The following NPIPA6 variants were observed in gnomAD, a reference collection of about 807,000 sequenced individuals.
NPIPA6 encodes the protein nuclear pore complex-interacting protein family member A6.
chr16:16,331,878 C>A, the NPIPA6 span: 2 of 490,992 alleles, frequency 4.1e-6, no homozygotes, highest in Non-Finnish European at 7.0e-6. Context: ...CCAGGCTGAA[C>A]CCGCTGAGCG....
chr16:16,343,712 G>T, the NPIPA6 span, among the ~76,000 whole-genome samples: 1 of 103,342 alleles, frequency 9.7e-6, no homozygotes, highest in African/African-American at 3.9e-5. Context: ...ATTCTTGTGT[G>T]TTGTGTGTGT....
the NPIPA6 span, chr16:16,337,281 G>GT: frequency 7.5e-6 from 1 of 133,414 alleles, no homozygotes; most frequent in Non-Finnish European, 1.4e-5. Flanking sequence ...CTGGAGTGCA[G>GT]TGGCAAGATC....
At chr16:16,343,724 T>C in the NPIPA6 span, among the ~76,000 whole-genome samples, 19 of 78,572 alleles carry the variant, frequency 2.4e-4, no homozygotes, top group South Asian at 1.5e-3. Context: ...TGTGTGTGTG[T>C]GTGTGTGTGT....
chr16:16,337,863 G>A, the NPIPA6 span, among the ~76,000 whole-genome samples: 1 of 90,920 alleles, frequency 1.1e-5, no homozygotes, highest in African/African-American at 5.2e-5. Context: ...CTCCCAAAGT[G>A]TTGGGATTAC....
At chr16:16,332,056 T>C in the NPIPA6 span, 1 of 257,754 alleles carries the variant, frequency 3.9e-6, no homozygotes, top group South Asian at 2.4e-5. Context: ...GCCGCCACTT[T>C]CCAGTGCTGC....
the NPIPA6 span, among the ~76,000 whole-genome samples, chr16:16,342,955 C>CA: frequency 1.8e-5 from 1 of 55,696 alleles, no homozygotes; most frequent in African/African-American, 7.0e-5. Context: ...TTCTAGAACT[C>CA]AGAGAGCTGA....
At chr16:16,342,809 AT>A in the NPIPA6 span, among the ~76,000 whole-genome samples, 1 of 52,326 alleles carries the variant, frequency 1.9e-5, no homozygotes, top group Non-Finnish European at 3.8e-5. Flanking sequence ...ATTAGTGAGA[AT>A]GTTTTGCGTT....
chr16:16,349,431 CAG>C, the NPIPA6 span: 6 of 50,576 alleles, frequency 1.2e-4, no homozygotes, highest in Admixed American at 3.7e-4. Flanking sequence ...AGAAGGGAAA[CAG>C]AGGGGAAATG....
At chr16:16,339,360 C>G in the NPIPA6 span, among the ~76,000 whole-genome samples, 4 of 51,764 alleles carry the variant, frequency 7.7e-5, no homozygotes, top group African/African-American at 1.7e-4. Flanking sequence ...TGGCTCATGC[C>G]TGTAATCCCA....
chr16:16,336,636 C>T, the NPIPA6 span: 4 of 169,054 alleles, frequency 2.4e-5, no homozygotes, highest in Non-Finnish European at 4.3e-5. Flanking sequence ...TTCCCTCCCC[C>T]CTGCCCTAAG....
chr16:16,333,753 TC>T, the NPIPA6 span: 1 of 672,554 alleles, frequency 1.5e-6, no homozygotes, highest in Non-Finnish European at 2.6e-6. Flanking sequence ...TTCTCAGGCC[TC>T]CACGCTGAGG....
At chr16:16,337,296 C>T in the NPIPA6 span, 2 of 118,566 alleles carry the variant, frequency 1.7e-5, no homozygotes, top group Non-Finnish European at 3.1e-5. Flanking sequence ...AAGATCTCGG[C>T]TCACTGCAAC....
chr16:16,343,692 G>T, the NPIPA6 span, among the ~76,000 whole-genome samples: 1 of 119,260 alleles, frequency 8.4e-6, no homozygotes, highest in Non-Finnish European at 1.7e-5. Flanking sequence ...CACCATGCCA[G>T]CCTCATGTCA....
chr16:16,343,165 T>TG, the NPIPA6 span, among the ~76,000 whole-genome samples: 7 of 145,622 alleles, frequency 4.8e-5, no homozygotes, highest in Non-Finnish European at 7.6e-5. Context: ...GGATCTTGGC[T>TG]CACTGCAACC....
chr16:16,336,622 C>T, the NPIPA6 span: 1 of 183,946 alleles, frequency 5.4e-6, no homozygotes, highest in Non-Finnish European at 1.0e-5. Flanking sequence ...CGGTCCCCGT[C>T]CCCTTCCCTC....
chr16:16,336,570 TCCCCTC>T, the NPIPA6 span: 964 of 178,362 alleles, frequency 5.4e-3, 2 homozygotes, highest in Non-Finnish European at 7.6e-3. Flanking sequence ...CCCCTCCCCT[TCCCCTC>T]CCCCTCCCCT....
chr16:16,343,710 GTGT>G, the NPIPA6 span, among the ~76,000 whole-genome samples: 1 of 105,398 alleles, frequency 9.5e-6, no homozygotes, highest in African/African-American at 3.9e-5. Flanking sequence ...TCATTCTTGT[GTGT>G]TGTGTGTGTG....
the NPIPA6 span, among the ~76,000 whole-genome samples, chr16:16,343,686 A>G: frequency 1.7e-5 from 2 of 120,308 alleles, no homozygotes; most frequent in Non-Finnish European, 1.7e-5. Context: ...GTGAGCCACC[A>G]TGCCAGCCTC....
chr16:16,333,612 G>GC, the NPIPA6 span: 1 of 684,534 alleles, frequency 1.5e-6, no homozygotes, highest in African/African-American at 1.8e-5. Context: ...GCAGGTCTGA[G>GC]CTGCTGCCCG....
Sources: allele counts gnomAD v4.1 joint callset (sites outside exome capture counted in the v4.1 genomes callset), GRCh38; gene constraint gnomAD v4.1.1; transcripts MANE v1.5; gene names NCBI Gene and HGNC (gene_info 2026-07-23, HGNC 2026-07-21).